HEATR1: variants seen among roughly 807,000 people sequenced by gnomAD.
HEATR1 encodes HEAT repeat containing 1.
HEATR1 carries 77 observed loss-of-function variants against 248.2 expected under a neutral mutation model. The ratio of observed to expected loss-of-function variants is 0.31; its 90% CI spans 0.26 to 0.37. The LOEUF is 0.37. HEATR1 is among the 10% of genes least tolerant of loss of function. The pLI, the probability that HEATR1 is intolerant of heterozygous loss-of-function variation, is 1.00. For synonymous variants in HEATR1, 897 were observed against 923.1 expected, an observed-to-expected ratio of 0.97 and a Z score of 0.51; for missense variants, 2,420 against 2,504.9, an observed-to-expected ratio of 0.97 and a Z score of 0.72.
chr1:236,591,303 C>T (rs1187553699), intron 11 of HEATR1, among the ~76,000 whole-genome samples: 2 of 152,146 alleles, frequency 1.3e-5, no homozygotes, highest in African/African-American at 4.8e-5. Context: ...GAATGCAACT[C>T]ATCTACATGA....
intron 29 of HEATR1, 45 bp from the exon 30 acceptor site, chr1:236,566,921 T>C: frequency 7.6e-7 from 1 of 1,310,344 alleles, no homozygotes; most frequent in South Asian, 1.2e-5. Context: ...CAAGTAATCT[T>C]CCACAAAACA....
rs1226772610 is a variant in HEATR1 at position 236,595,546 on chromosome 1, C to T, written c.1084G>A (p.Val362Ile). 1 of 1,611,148 alleles carries T rather than the reference C, an allele frequency of 6.2e-7. No homozygotes were observed. Reference sequence around the variant, plus strand: ...AAAATATAAAACCACACACCTGTAACATGATGAATGATGGAGACGACCAGA... The same window carrying T: ...AAAATATAAAACCACACACCTGTAATATGATGAATGATGGAGACGACCAGA... ...PHLVVSIIHH[V>I]TGEETEGMDG... is the part of the protein sequence containing the mutation. Residue 362 changes from valine to isoleucine, a missense_variant, in exon 8 of 45, where the codon GTT (valine) becomes ATT (isoleucine). Val to Ile is a conservative substitution (Grantham distance 29). Coordinates refer to ENST00000366582, the MANE Select transcript of HEATR1 (RefSeq NM_018072.6).
At chr1:236,603,415 C>T (rs761241197) in intron 2 of HEATR1, 39 bp from the exon 3 acceptor site, 2 of 1,551,714 alleles carry the variant, frequency 1.3e-6, no homozygotes, top group Non-Finnish European at 8.9e-7. Flanking sequence ...AACAATTCTT[C>T]GTAAGCAAAT....
Position 236,555,334 on chromosome 1 carries a change from A to G in HEATR1, c.5885T>C (p.Phe1962Ser). The change falls in exon 41 of 45, where the codon TTT (phenylalanine) becomes TCT (serine). Residue 1962 changes from phenylalanine to serine, a missense_variant. Physicochemically the swap from Phe to Ser is radical, Grantham distance 155. Coordinates refer to ENST00000366582, the MANE Select transcript of HEATR1 (RefSeq NM_018072.6). The stretch of plus-strand genomic sequence containing the variant: ...GTTCACCTGGTTCAAGGTGTCAGCA[A>G]AAGGCTTCACTAAGTGGCCGGCAAA... ...TLFAGHLVKP[F>S]ADTLNQVNIS... The G allele has an allele frequency of 6.2e-7, 1 of 1,614,216 alleles. No homozygotes were observed. The highest frequency in any genetic ancestry group is 8.5e-7 in the Non-Finnish European group (1 of 1,180,046).
intron 35 of HEATR1, among the ~76,000 whole-genome samples, chr1:236,558,766 T>C (rs1174993049): frequency 6.6e-6 from 1 of 152,222 alleles, no homozygotes; most frequent in Non-Finnish European, 1.5e-5. Context: ...GTAAGCTCTG[T>C]AGTAAGCAAG....
rs780904260 is a variant in HEATR1, at chr1:236,582,876, C to T, written c.2426-4G>A. On this transcript the variant is annotated splice_region_variant and splice_polypyrimidine_tract_variant and intron_variant, in intron 18 of 44. Transcript: ENST00000366582. ...TCAGGATTCCACCATATATCACCTA[C>T]AAGGACATGGAAAGAGAAATGATGC... 4 of 1,613,922 alleles carry T rather than the reference C, an allele frequency of 2.5e-6. No individual in the cohort carries two copies. The highest frequency in any genetic ancestry group is 4.5e-5 in the East Asian group (2 of 44,862).
At chr1:236,579,601 T>C (rs528990542) in intron 20 of HEATR1, among the ~76,000 whole-genome samples, 220 of 152,198 alleles carry the variant, frequency 1.4e-3, no homozygotes, top group Non-Finnish European at 2.5e-3. Flanking sequence ...TGGAAAGATG[T>C]CCATATTAAT....
intron 12 of HEATR1, among the ~76,000 whole-genome samples, chr1:236,589,869 G>A (rs1472322351): frequency 3.9e-5 from 6 of 152,070 alleles, no homozygotes; most frequent in Non-Finnish European, 8.8e-5. Flanking sequence ...CAATTTGAAG[G>A]CTATGTAAAA....
At chr1:236,583,818 A>T (rs1663817635) in intron 17 of HEATR1, among the ~76,000 whole-genome samples, 1 of 152,158 alleles carries the variant, frequency 6.6e-6, no homozygotes, top group Non-Finnish European at 1.5e-5. Context: ...AGGAAGATAA[A>T]CAGTTGGATT....
In HEATR1 at chr1:236,562,749, AACACAG is replaced by A. The variant is rs1558179825; in HGVS notation, c.4600-1484_4600-1479del. ...AAATAGTGAGGCTTCTTCATGCGTA[AACACAG>A]TGTCTCTCTATTTCTTCCAAGTTTT... On this transcript the variant is annotated intron_variant, in intron 32 of 44. Transcript: ENST00000366582. Among the ~76,000 whole-genome samples, 30 of 29,426 alleles carry A rather than the reference AACACAG, an allele frequency of 1.0e-3. No homozygotes were observed. The Admixed American group carries it at 0.013, about 13-fold the overall frequency. The allele number at this position is 29,426 out of a possible 152,430, so 19.3% of individuals were successfully genotyped here. A position where few individuals can be genotyped will look rare whatever the true frequency, so the allele number is the denominator to read the frequency against.
Position 236,585,215 on chromosome 1 carries a change from A to C in HEATR1, c.2051T>G (p.Val684Gly). The change falls in exon 17 of 45, where the codon GTG (valine) becomes GGG (glycine). Residue 684 changes from valine (V) to glycine (G), a missense_variant and splice_region_variant. By Grantham distance (109) the Val-to-Gly change is moderately radical (BLOSUM62 -3). Transcript: ENST00000366582. Reference sequence around the variant, plus strand: ...CTCACCCACGCTTATTAAATCCTCCACCTTGAAAAATAAACACACTCTATT... The same window carrying C: ...CTCACCCACGCTTATTAAATCCTCCCCCTTGAAAAATAAACACACTCTATT... ...LGDPSSMLKM[V>G]EDLISVGEEE... 1 of 1,601,246 alleles carries C rather than the reference A, an allele frequency of 6.2e-7. No homozygotes were observed. Among genetic ancestry groups the C allele is most frequent in the East Asian group, 2.2e-5 (1 of 44,766 alleles).
chr1:236,564,758 G>A (rs988357641), intron 31 of HEATR1, 97 bp from the exon 32 acceptor site: 5 of 1,136,038 alleles, frequency 4.4e-6, no homozygotes, highest in Middle Eastern at 3.1e-4. Context: ...GACAATTAAC[G>A]GGATAACATT....
At position 236,571,557 on chromosome 1, in the gene HEATR1, A is replaced by C. The variant is rs1241269274; in HGVS notation, c.3826+11T>G. 1 of 1,613,102 alleles carries C rather than the reference A, an allele frequency of 6.2e-7. No individual in the cohort carries two copies. Among genetic ancestry groups the C allele is most frequent in the Admixed American group, 1.7e-5 (1 of 59,704 alleles). On this transcript the variant is annotated intron_variant, in intron 27 of 44. Coordinates refer to ENST00000366582, the MANE Select transcript of HEATR1 (RefSeq NM_018072.6). ...TAATTTTTCTAACCTTTCCTTCCAA[A>C]AAGTACCTACCTTTGGGTATTTTGC...
In HEATR1 at chr1:236,572,434, T is replaced by G; in HGVS notation, c.3684A>C (p.Pro1228=). ...ACCTTGATAGCAAGTTAAAAAGAGT[T>G]GGCACCAATATCTGAGGACTTCTGA... is the stretch of plus-strand genomic sequence containing the variant. ...KKLRSPQILV[P]TLFNLLSRCL... The change falls in exon 26 of 45, where the codon CCA becomes CCC. Residue 1228 remains proline (P), a synonymous_variant. Transcript: ENST00000366582. 6.2e-7 allele frequency: 1 copy of G among 1,614,118 alleles called. No individual in the cohort carries two copies. The highest frequency in any genetic ancestry group is 8.5e-7 in the Non-Finnish European group (1 of 1,179,972).
chr1:236,556,165 G>A lies in HEATR1; in HGVS notation c.5449C>T (p.Leu1817Phe), dbSNP rs1468817343. 1 of 1,613,976 alleles carries A rather than the reference G, an allele frequency of 6.2e-7. No homozygotes were observed. Among genetic ancestry groups the A allele is most frequent in the African/African-American group, 1.3e-5 (1 of 74,886 alleles). ...TSLKKTLATT[L>F]APRVLLPAIK... ...GCGGGCAACAGGACTCGGGGTGCAA[G>A]TGTGGTAGCCAGTGTCTTTTTAAGA... Residue 1817 changes from leucine (L) to phenylalanine (F), a missense_variant, in exon 38 of 45, where the codon CTT becomes TTT. By Grantham distance (22) the Leu-to-Phe change is conservative (BLOSUM62 0). Coordinates refer to ENST00000366582, the MANE Select transcript of HEATR1 (RefSeq NM_018072.6).
At chr1:236,604,313 G>A in intron 1 of HEATR1, 109 bp downstream of exon 1, 1 of 444,696 alleles carries the variant, frequency 2.2e-6, no homozygotes, top group Non-Finnish European at 3.9e-6. Context: ...CGGCGACCGC[G>A]CCAAGGCTTT....
intron 12 of HEATR1, among the ~76,000 whole-genome samples, chr1:236,589,071 G>A (rs1414883778): frequency 6.6e-6 from 1 of 152,188 alleles, no homozygotes; most frequent in Non-Finnish European, 1.5e-5. Context: ...GACATCAACT[G>A]CAATTACAAT....
Position 236,582,885 on chromosome 1 carries a change from G to C in HEATR1, c.2426-13C>G, listed in dbSNP as rs1663790203. Reference sequence around the variant, plus strand: ...CACCATATATCACCTACAAGGACATGGAAAGAGAAATGATGCTAGATCCTA... The same window carrying C: ...CACCATATATCACCTACAAGGACATCGAAAGAGAAATGATGCTAGATCCTA... On this transcript the variant is annotated splice_polypyrimidine_tract_variant and intron_variant, in intron 18 of 44. Transcript: ENST00000366582. 6.2e-7 allele frequency: 1 copy of C among 1,613,200 alleles called. No individual in the cohort carries two copies. Among genetic ancestry groups the C allele is most frequent in the Non-Finnish European group, 8.5e-7 (1 of 1,179,308 alleles).
rs768761367 is a variant in HEATR1, at chr1:236,572,433, T to C, written c.3685A>G (p.Thr1229Ala). ...KLRSPQILVP[T>A]LFNLLSRCLE... ...TACCTTGATAGCAAGTTAAAAAGAG[T>C]TGGCACCAATATCTGAGGACTTCTG... is the stretch of plus-strand genomic sequence containing the variant. The change falls in exon 26 of 45, where the codon ACT becomes GCT. Residue 1229 changes from threonine to alanine, a missense_variant. Thr to Ala is a moderately conservative substitution (Grantham distance 58). Coordinates refer to ENST00000366582, the MANE Select transcript of HEATR1 (RefSeq NM_018072.6). 1 of 1,613,938 alleles carries C rather than the reference T, an allele frequency of 6.2e-7. No individual in the cohort carries two copies. Among genetic ancestry groups the C allele is most frequent in the South Asian group, 1.1e-5 (1 of 91,056 alleles).
Sources: gnomAD v4.1 joint callset for allele counts (sites outside exome capture counted in the v4.1 genomes callset) on GRCh38, gnomAD v4.1.1 for gene constraint, MANE v1.5 for transcripts, NCBI Gene and HGNC (gene_info 2026-07-23, HGNC 2026-07-21) for gene names.